The following RASSF5 variants were observed in gnomAD, a reference collection of about 807,000 sequenced individuals.
The protein encoded by RASSF5 is Ras association domain family member 5.
Under a neutral mutation model 40.5 loss-of-function variants are expected in RASSF5, and 25 were observed. The ratio of observed to expected loss-of-function variants is 0.62; its 90% confidence interval spans 0.45 to 0.86. RASSF5 has a LOEUF of 0.86. Ranked by LOEUF, RASSF5 falls within the 40% of genes least tolerant of loss-of-function variation. The probability of loss-of-function intolerance (pLI) is 0.00; values close to 1 mark genes in which losing one functional copy is unlikely to be tolerated. For synonymous variants in RASSF5, 246 were observed against 252.4 expected, an observed-to-expected ratio of 0.97 and a Z score of 0.24; for missense variants, 521 against 572.8, an observed-to-expected ratio of 0.91 and a Z score of 0.92.
At position 206,583,322 on chromosome 1, in the gene RASSF5, C is replaced by G; in HGVS notation, c.633C>G (p.Ile211Met). ...AGCGCCCGCCCACACTGCAGGAGAT[C>G]AAGCAGAAGATCGACAGCTACAACA... ...ETQRPPTLQE[I>M]KQKIDSYNTR... The change falls in exon 3 of 6, where the codon ATC (isoleucine) becomes ATG (methionine). Residue 211 changes from isoleucine to methionine, a missense_variant. Ile to Met is a conservative substitution (Grantham distance 10). Coordinates refer to ENST00000579436, the MANE Select transcript of RASSF5 (RefSeq NM_182663.4). 3 of 1,613,930 alleles carry G rather than the reference C, an allele frequency of 1.9e-6. No homozygotes were observed. The highest frequency in any genetic ancestry group is 2.2e-5 in the East Asian group (1 of 44,868).
chr1:206,548,747 T>C (rs1667760932), intron 2 of RASSF5, among the ~76,000 whole-genome samples: 2 of 152,208 alleles, frequency 1.3e-5, no homozygotes, highest in African/African-American at 4.8e-5. Flanking sequence ...TCAAATATTT[T>C]CATACCCCCC....
chr1:206,577,948 C>T (rs1053026185), intron 2 of RASSF5, among the ~76,000 whole-genome samples: 3 of 152,076 alleles, frequency 2.0e-5, no homozygotes, highest in African/African-American at 7.2e-5. Flanking sequence ...AGCAGCCAGG[C>T]GCGGTGGGTC....
rs556372314 is a variant in RASSF5 at position 206,589,329 on chromosome 1, G to A, written c.*2351G>A. 9.8e-5 allele frequency: 15 copies of A among 152,878 alleles called. No individual in the cohort carries two copies. Among genetic ancestry groups the A allele is most frequent in the African/African-American group, 2.6e-4 (11 of 41,556 alleles). 9.5% of individuals were successfully genotyped at this position (152,878 alleles called of 1,614,324 possible). ...TCACCATCTTACGGACACTGGGAGC[G>A]GGGGAGAGAGGGTGAGAATGGACAT... On this transcript the variant is annotated 3_prime_UTR_variant, in exon 6 of 6. Transcript: ENST00000579436.
At chr1:206,546,739 A>G (rs1182968734) in intron 2 of RASSF5, among the ~76,000 whole-genome samples, 1 of 152,264 alleles carries the variant, frequency 6.6e-6, no homozygotes, top group Non-Finnish European at 1.5e-5. Context: ...CACTTACATT[A>G]GCCTATAATT....
Position 206,507,769 on chromosome 1 carries a change from C to A in RASSF5, c.167C>A (p.Ala56Glu). ...VPAPLSTAPG[A>E]REGRSARRAA... Reference sequence around the variant, plus strand: ...GCGCCCCTCTCCACTGCGCCCGGGGCGCGCGAGGGGCGCAGCGCCCGGAGG... The same window carrying A: ...GCGCCCCTCTCCACTGCGCCCGGGGAGCGCGAGGGGCGCAGCGCCCGGAGG... The change falls in exon 1 of 6, where the codon GCG becomes GAG. Residue 56 changes from alanine (A) to glutamate (E), a missense_variant. Coordinates refer to ENST00000579436, the MANE Select transcript of RASSF5 (RefSeq NM_182663.4). 2 of 1,404,774 alleles carry A rather than the reference C, an allele frequency of 1.4e-6. No homozygotes were observed. Among genetic ancestry groups the A allele is most frequent in the Non-Finnish European group, 9.2e-7 (1 of 1,089,086 alleles). The allele number at this position is 1,404,774 out of a possible 1,614,324, so 87.0% of individuals were successfully genotyped here.
At chr1:206,523,581 ACT>A in intron 1 of RASSF5, among the ~76,000 whole-genome samples, 1 of 103,490 alleles carries the variant, frequency 9.7e-6, no homozygotes, top group African/African-American at 3.9e-5. Flanking sequence ...ACAGAGCAAG[ACT>A]CTGTCTTAAA....
At chr1:206,512,721 A>G (rs1475246875) in intron 1 of RASSF5, among the ~76,000 whole-genome samples, 1 of 152,026 alleles carries the variant, frequency 6.6e-6, no homozygotes, top group African/African-American at 2.4e-5. Context: ...GAGTGAATTT[A>G]TCCTGTCAGG....
At chr1:206,565,547 C>A (rs1668266069) in intron 2 of RASSF5, among the ~76,000 whole-genome samples, 1 of 152,196 alleles carries the variant, frequency 6.6e-6, no homozygotes, top group South Asian at 2.1e-4. Context: ...GATGGGGTTT[C>A]TGTACTTGAA....
At chr1:206,559,986 T>TC (rs1668093713) in intron 2 of RASSF5, among the ~76,000 whole-genome samples, 1 of 152,174 alleles carries the variant, frequency 6.6e-6, no homozygotes. Flanking sequence ...CACTCTCTTT[T>TC]CTCCCTTGGA....
Position 206,507,868 on chromosome 1 carries a change from A to G in RASSF5, c.266A>G (p.Gln89Arg). ...PARPLRPGLQ[Q>R]RLRRRPGAPR... Reference sequence around the variant, plus strand: ...CGCCCGCTCCGGCCTGGTCTGCAGCAGAGACTGCGGCGGCGGCCTGGAGCG... The same window carrying G: ...CGCCCGCTCCGGCCTGGTCTGCAGCGGAGACTGCGGCGGCGGCCTGGAGCG... Residue 89 changes from glutamine to arginine, a missense_variant, in exon 1 of 6, where the codon CAG becomes CGG. Physicochemically the swap from Gln to Arg is conservative, Grantham distance 43. Coordinates refer to ENST00000579436, the MANE Select transcript of RASSF5 (RefSeq NM_182663.4). 1.3e-6 allele frequency: 2 copies of G among 1,490,758 alleles called. No individual in the cohort carries two copies. Among genetic ancestry groups the G allele is most frequent in the Non-Finnish European group, 1.8e-6 (2 of 1,127,054 alleles). The allele number at this position is 1,490,758 out of a possible 1,614,324, so 92.3% of individuals were successfully genotyped here.
At chr1:206,546,875 T>C (rs1485642797) in intron 2 of RASSF5, among the ~76,000 whole-genome samples, 4 of 152,238 alleles carry the variant, frequency 2.6e-5, no homozygotes. Flanking sequence ...CATCTTAAAG[T>C]TGAGAAATCA....
intron 2 of RASSF5, among the ~76,000 whole-genome samples, chr1:206,546,890 T>C (rs1489871824): frequency 1.3e-5 from 2 of 152,228 alleles, no homozygotes; most frequent in Non-Finnish European, 2.9e-5. Context: ...AAATCATAAG[T>C]AGGACCGTTG....
intron 1 of RASSF5, among the ~76,000 whole-genome samples, chr1:206,527,600 G>A (rs890620001): frequency 6.6e-6 from 1 of 152,178 alleles, no homozygotes. Flanking sequence ...CAGCCTCCAA[G>A]GCTGAGTGGC....
At chr1:206,537,054 T>C (rs901117101) in intron 1 of RASSF5, among the ~76,000 whole-genome samples, 13 of 150,808 alleles carry the variant, frequency 8.6e-5, no homozygotes, top group Non-Finnish European at 1.6e-4. Flanking sequence ...CTCGCCTCCC[T>C]GAGTCTCCTG....
At chr1:206,514,757 GC>G (rs1345919947) in intron 1 of RASSF5, among the ~76,000 whole-genome samples, 2 of 152,218 alleles carry the variant, frequency 1.3e-5, no homozygotes, top group South Asian at 4.1e-4. Context: ...GGATGCTAGA[GC>G]TGGAAAAGAA....
intron 2 of RASSF5, chr1:206,572,619 T>G (rs1668487482): frequency 6.6e-6 from 1 of 152,198 alleles, no homozygotes; most frequent in Non-Finnish European, 1.5e-5. Context: ...CTGGAAAGTA[T>G]GGTCACTTCT....
At chr1:206,529,780 C>A (rs1667189542) in intron 1 of RASSF5, 1 of 439,446 alleles carries the variant, frequency 2.3e-6, no homozygotes, top group Non-Finnish European at 4.2e-6. Context: ...AAAAAATTAA[C>A]CAGGTGTGGT....
chr1:206,578,413 C>A (rs1235873106), intron 2 of RASSF5, among the ~76,000 whole-genome samples: 2 of 152,026 alleles, frequency 1.3e-5, no homozygotes, highest in Non-Finnish European at 2.9e-5. Flanking sequence ...ATGAAATGAG[C>A]TAATACATGC....
chr1:206,547,459 G>A (rs531774356), intron 2 of RASSF5, among the ~76,000 whole-genome samples: 5 of 151,966 alleles, frequency 3.3e-5, no homozygotes, highest in South Asian at 2.1e-4. Context: ...TCTAGGTTGC[G>A]TGCTCCTTAT....
Sources: gnomAD v4.1 joint callset for allele counts (sites outside exome capture counted in the v4.1 genomes callset) on GRCh38, gnomAD v4.1.1 for gene constraint, MANE v1.5 for transcripts, NCBI Gene and HGNC (gene_info 2026-07-23, HGNC 2026-07-21) for gene names.